The following MUC17 variants were observed in gnomAD, a reference collection of about 807,000 sequenced individuals.
MUC17 encodes mucin 17, cell surface associated, also known as mucin-17.
MUC17 carries 190 observed loss-of-function variants against 170.3 expected under a neutral mutation model. The ratio of observed to expected loss-of-function variants is 1.12; its 90% confidence interval spans 0.99 to 1.26. MUC17 has a LOEUF of 1.26. Among genes scored for constraint, MUC17 ranks in the 50% most tolerant of loss-of-function variants. The probability of loss-of-function intolerance (pLI) is 0.00; values close to 1 mark genes in which losing one functional copy is unlikely to be tolerated. For missense variants in MUC17, 6,415 were observed against 5,530.0 expected (o/e 1.16, Z -5.08); for synonymous variants, 2,325 against 2,002.5 (o/e 1.16, Z -4.30).
Position 101,032,672 on chromosome 7 carries a change from AC to A in MUC17, c.1257del (p.Ser420ProfsTer5). ...AGCACCACTTCAACAATTCCTGTTG[AC>A]TCCAAAACTTTTGTGACCACTGCTA... ...EASTTSTIPV[D>X]SKTFVTTASE... On this transcript the variant is annotated frameshift_variant, in exon 3 of 13. Transcript: ENST00000306151. LOFTEE classifies it high-confidence loss of function. 6.4e-7 allele frequency: 1 copy of A among 1,572,280 alleles called. No homozygotes were observed. Among genetic ancestry groups the A allele is most frequent in the Non-Finnish European group, 8.7e-7 (1 of 1,152,354 alleles).
intron 6 of MUC17, 123 bp downstream of exon 6, chr7:101,049,505 G>A (rs776802913): frequency 1.4e-4 from 184 of 1,321,798 alleles, no homozygotes; most frequent in Middle Eastern, 2.3e-4. Context: ...GAATACCACC[G>A]ATGGGGCGGC....
intron 1 of MUC17, among the ~76,000 whole-genome samples, chr7:101,021,854 C>A (rs892416157): frequency 6.6e-6 from 1 of 152,182 alleles, no homozygotes; most frequent in Non-Finnish European, 1.5e-5. Context: ...CAGGGCAGGG[C>A]GTGGGTCTAG....
chr7:101,032,737 A>G lies in MUC17; in HGVS notation c.1321A>G (p.Ser441Gly). The G allele has an allele frequency of 1.2e-6, 2 of 1,613,848 alleles. No homozygotes were observed. Among genetic ancestry groups the G allele is most frequent in the Non-Finnish European group, 1.7e-6 (2 of 1,179,826 alleles). Residue 441 changes from serine (S) to glycine (G), a missense_variant, in exon 3 of 13, where the codon AGC becomes GGC. By Grantham distance (56) the Ser-to-Gly change is moderately conservative. Coordinates refer to ENST00000306151, the MANE Select transcript of MUC17 (RefSeq NM_001040105.2). Reference sequence around the variant, plus strand: ...ATCTCCCACAACTGCTGAAGATACCAGCATTGCAACCTCAACTCCTAGTGA... The same window carrying G: ...ATCTCCCACAACTGCTGAAGATACCGGCATTGCAACCTCAACTCCTAGTGA... The part of the protein sequence containing the change: ...SSSPTTAEDT[S>G]IATSTPSEGS...
chr7:101,039,797 C>T lies in MUC17; in HGVS notation c.8381C>T (p.Thr2794Ile), dbSNP rs775266472. The T allele has an allele frequency of 8.7e-6, 14 of 1,608,928 alleles. No homozygotes were observed. The East Asian group carries it at 2.7e-4, about 31-fold the overall frequency. Reference sequence around the variant, plus strand: ...ACTGAAGCCAGTTCCTCTCCTACAACTGCTGAAGTTACCAGCATGCCAACC... The same window carrying T: ...ACTGAAGCCAGTTCCTCTCCTACAATTGCTGAAGTTACCAGCATGCCAACC... ...TSTEASSSPT[T>I]AEVTSMPTST... Residue 2794 changes from threonine to isoleucine, a missense_variant, in exon 3 of 13, where the codon ACT becomes ATT. By Grantham distance (89) the Thr-to-Ile change is moderately conservative (BLOSUM62 -1). Coordinates refer to ENST00000306151, the MANE Select transcript of MUC17 (RefSeq NM_001040105.2).
In MUC17 at chr7:101,037,980, C is replaced by T. The variant is rs535379974; in HGVS notation, c.6564C>T (p.Thr2188=). The T allele has an allele frequency of 3.1e-6, 5 of 1,608,460 alleles. No individual in the cohort carries two copies. In the East Asian group the frequency reaches 9.0e-5, roughly 29 times the overall value. The part of the protein sequence containing the change: ...ISTLSTTPVD[T]STPVTNSTEA... ...CCCTTTCAACAACTCCTGTTGACAC[C>T]AGCACACCTGTGACCAATTCTACTG... The change falls in exon 3 of 13, where the codon ACC becomes ACT. Residue 2188 remains threonine (T), a synonymous_variant. Coordinates refer to ENST00000306151, the MANE Select transcript of MUC17 (RefSeq NM_001040105.2).
chr7:101,034,298 C>T lies in MUC17; in HGVS notation c.2882C>T (p.Ala961Val), dbSNP rs1208023067. The change falls in exon 3 of 13, where the codon GCC becomes GTC. Residue 961 changes from alanine to valine, a missense_variant. Physicochemically the swap from Ala to Val is moderately conservative, Grantham distance 64. Transcript: ENST00000306151. The stretch of plus-strand genomic sequence containing the variant: ...ACACCTGTGACCACTTCTACTGAAG[C>T]CACTTCATCTCCTACAACTGCTGAA... ...TSTPVTTSTE[A>V]TSSPTTAEGT... is the part of the protein sequence containing the mutation. 3 of 1,609,816 alleles carry T rather than the reference C, an allele frequency of 1.9e-6. No homozygotes were observed. The African/African-American group carries it at 4.0e-5, about 22-fold the overall frequency.
At position 101,032,988 on chromosome 7, in the gene MUC17, C is replaced by T. The variant is rs1195264411; in HGVS notation, c.1572C>T (p.Ala524=). Residue 524 remains alanine (A), a synonymous_variant, in exon 3 of 13, where the codon GCC becomes GCT. Transcript: ENST00000306151. ...TSMSVSTMPV[A]SSEASTLSTT... ...TGTCTGTCAGCACCATGCCGGTGGC[C>T]AGTTCTGAGGCTAGCACCCTTTCAA... The T allele has an allele frequency of 1.9e-6, 3 of 1,614,008 alleles. No homozygotes were observed. The highest frequency in any genetic ancestry group is 1.7e-5 in the Admixed American group (1 of 59,986).
Position 101,035,004 on chromosome 7 carries a change from A to G in MUC17, c.3588A>G (p.Glu1196=), listed in dbSNP as rs1794418551. The G allele has an allele frequency of 6.2e-7, 1 of 1,613,904 alleles. No homozygotes were observed. The highest frequency in any genetic ancestry group is 1.7e-5 in the Admixed American group (1 of 59,956). Residue 1196 remains glutamate (E), a synonymous_variant, in exon 3 of 13, where the codon GAA becomes GAG. Transcript: ENST00000306151. ...DSKTQVATST[E]ASSPPPTAEV... ...AAACTCAGGTGGCCACTTCTACTGA[A>G]GCCAGTTCACCTCCTCCAACTGCTG...
In MUC17 at chr7:101,041,616, AT is replaced by A; in HGVS notation, c.10202del (p.Leu3401Ter). ...TSSPSEGTTP[L>X]ASMPVSTTPV... ...CAAGTCCTAGTGAAGGAACCACTCCATTAGCAAGTATGCCTGTCAGCACCAC... is the reference window on the plus strand; with the variant it reads ...CAAGTCCTAGTGAAGGAACCACTCCATAGCAAGTATGCCTGTCAGCACCAC... On this transcript the variant is annotated frameshift_variant, in exon 3 of 13. Coordinates refer to ENST00000306151, the MANE Select transcript of MUC17 (RefSeq NM_001040105.2). LOFTEE classifies it high-confidence loss of function. The A allele has an allele frequency of 6.2e-7, 1 of 1,613,788 alleles. No individual in the cohort carries two copies. The highest frequency in any genetic ancestry group is 8.5e-7 in the Non-Finnish European group (1 of 1,179,870).
chr7:101,032,105 GT>G lies in MUC17; in HGVS notation c.691del (p.Ser231GlnfsTer7). 6.2e-7 allele frequency: 1 copy of G among 1,610,510 alleles called. No individual in the cohort carries two copies. The highest frequency in any genetic ancestry group is 8.5e-7 in the Non-Finnish European group (1 of 1,179,022). ...CCTGCCAGCACCATGAAGGTGGCCA[GT>G]TCAGAGGCTATCACCCTTTTGACAA... ...SMPASTMKVA[S>X]SEAITLLTTP... On this transcript the variant is annotated frameshift_variant, in exon 3 of 13. Coordinates refer to ENST00000306151, the MANE Select transcript of MUC17 (RefSeq NM_001040105.2). LOFTEE classifies it high-confidence loss of function.
intron 12 of MUC17, among the ~76,000 whole-genome samples, chr7:101,056,525 C>T (rs915111802): frequency 6.6e-6 from 1 of 152,232 alleles, no homozygotes; most frequent in Non-Finnish European, 1.5e-5. Context: ...ACTCTAAGTA[C>T]ATCCTTGATG....
At chr7:101,050,808 G>A (rs1384159648) in intron 7 of MUC17, among the ~76,000 whole-genome samples, 173 bp downstream of exon 7, 1 of 152,120 alleles carries the variant, frequency 6.6e-6, no homozygotes, top group East Asian at 1.9e-4. Flanking sequence ...ATTGGGCCGA[G>A]AGAGTCTTTA....
rs77433080 is a variant in MUC17, at chr7:101,024,489, C to T, written c.82+4272C>T. Among the ~76,000 whole-genome samples the T allele has an allele frequency of 0.016, 2,384 of 152,122 alleles. 144 individuals carry two copies. The East Asian group carries it at 0.17, about 11-fold the overall frequency. On this transcript the variant is annotated intron_variant, in intron 1 of 12. Coordinates refer to ENST00000306151, the MANE Select transcript of MUC17 (RefSeq NM_001040105.2). ...GTGAGGAGAAGGGGGGTTGTGACCG[C>T]AACTGCTTCTGCCTCCTTCTCTTCC...
chr7:101,043,552 A>AC lies in MUC17; in HGVS notation c.12140dup (p.Ser4048PhefsTer40), dbSNP rs751800394. ...TACTTCTGTCACCACCCGTCCTGTG[A>AC]CCCCTTCATCAGAATCCAGCAGGCC... On this transcript the variant is annotated frameshift_variant, in exon 3 of 13. Coordinates refer to ENST00000306151, the MANE Select transcript of MUC17 (RefSeq NM_001040105.2). LOFTEE classifies it high-confidence loss of function. The AC allele has an allele frequency of 1.2e-6, 2 of 1,613,946 alleles. No homozygotes were observed. The highest frequency in any genetic ancestry group is 2.2e-5 in the South Asian group (2 of 91,070).
intron 5 of MUC17, 32 bp from the exon 6 acceptor site, chr7:101,049,292 C>T (rs1225027405): frequency 1.9e-6 from 3 of 1,613,862 alleles, no homozygotes; most frequent in Non-Finnish European, 2.5e-6. Context: ...CGTGGTCCCT[C>T]TGGGATGACA....
rs1794742552 is a variant in MUC17 at position 101,042,423 on chromosome 7, T to C, written c.11007T>C (p.Ser3669=). The change falls in exon 3 of 13, where the codon TCT becomes TCC. Residue 3669 remains serine (S), a synonymous_variant. Transcript: ENST00000306151. ...PVDTSTPVIT[S]TQVSSSPVTP... is the part of the protein sequence containing the mutation. ...ACACCAGCACACCTGTGATCACTTC[T>C]ACCCAAGTCAGTTCATCTCCTGTGA... The C allele has an allele frequency of 6.2e-7, 1 of 1,614,172 alleles. No individual in the cohort carries two copies. Among genetic ancestry groups the C allele is most frequent in the Non-Finnish European group, 8.5e-7 (1 of 1,180,030 alleles).
Position 101,044,791 on chromosome 7 carries a change from G to A in MUC17, c.12403+972G>A, listed in dbSNP as rs1182173838. ...ATTGATTTTGTTCATACTAAAGTAC[G>A]AACTTTTTTTTTGCAGAAGGTTTTT... On this transcript the variant is annotated intron_variant, in intron 3 of 12. Transcript: ENST00000306151. Among the ~76,000 whole-genome samples, 3 of 152,118 alleles carry A rather than the reference G, an allele frequency of 2.0e-5. 1 individual carries two copies. Among genetic ancestry groups the A allele is most frequent in the African/African-American group, 7.2e-5 (3 of 41,426 alleles).
rs1379464569 is a variant in MUC17 at position 101,040,072 on chromosome 7, G to A, written c.8656G>A (p.Ala2886Thr). The change falls in exon 3 of 13, where the codon GCT (alanine) becomes ACT (threonine). Residue 2886 changes from alanine to threonine, a missense_variant. Coordinates refer to ENST00000306151, the MANE Select transcript of MUC17 (RefSeq NM_001040105.2). The part of the protein sequence containing the change: ...VSTTPVASSE[A>T]STLSTTPVDT... ...CACCACGCCGGTGGCCAGTTCTGAGGCTAGCACCCTTTCAACAACTCCTGT... is the reference window on the plus strand; with the variant it reads ...CACCACGCCGGTGGCCAGTTCTGAGACTAGCACCCTTTCAACAACTCCTGT... The A allele has an allele frequency of 6.2e-7, 1 of 1,612,954 alleles. No homozygotes were observed. Among genetic ancestry groups the A allele is most frequent in the Non-Finnish European group, 8.5e-7 (1 of 1,179,628 alleles).
In MUC17 at chr7:101,040,973, C is replaced by G. The variant is rs751696670; in HGVS notation, c.9557C>G (p.Ala3186Gly). The change falls in exon 3 of 13, where the codon GCA (alanine) becomes GGA (glycine). Residue 3186 changes from alanine (A) to glycine (G), a missense_variant. Coordinates refer to ENST00000306151, the MANE Select transcript of MUC17 (RefSeq NM_001040105.2). Reference sequence around the variant, plus strand: ...AGTTCTGAGGATAGCACCCTTTCAGCAACTCCTGTTGACACCAGCACACCT... The same window carrying G: ...AGTTCTGAGGATAGCACCCTTTCAGGAACTCCTGTTGACACCAGCACACCT... ...VVSSEDSTLS[A>G]TPVDTSTPVT... is the part of the protein sequence containing the mutation. 7 of 1,613,600 alleles carry G rather than the reference C, an allele frequency of 4.3e-6. No homozygotes were observed. In the South Asian group the frequency reaches 7.7e-5, roughly 18 times the overall value.
Sources: gnomAD v4.1 joint callset for allele counts (sites outside exome capture counted in the v4.1 genomes callset) on GRCh38, gnomAD v4.1.1 for gene constraint, MANE v1.5 for transcripts, NCBI Gene and HGNC (gene_info 2026-07-23, HGNC 2026-07-21) for gene names.